VWA3B: variants seen among roughly 807,000 people sequenced by gnomAD.
The protein encoded by VWA3B is von Willebrand factor A domain-containing protein 3B.
VWA3B carries 138 observed loss-of-function variants against 158.3 expected under a neutral mutation model. That is an observed-to-expected ratio of 0.87 (90% CI 0.76 to 1.00). The LOEUF (loss-of-function observed/expected upper bound fraction) is 1.00. VWA3B is among the 50% of genes least tolerant of loss of function. VWA3B has a pLI of 0.00. For missense variants in VWA3B, 1,555 were observed against 1,565.1 expected (o/e 0.99, Z 0.11); for synonymous variants, 596 against 587.3 (o/e 1.01, Z -0.21).
intron 12 of VWA3B, among the ~76,000 whole-genome samples, chr2:98,198,980 G>A (rs761363435): frequency 2.0e-5 from 3 of 151,980 alleles, no homozygotes; most frequent in Non-Finnish European, 4.4e-5. Flanking sequence ...CCAGCTACTC[G>A]GGAGGCTGAG....
rs569513817 is a variant in VWA3B at position 98,247,052 on chromosome 2, T to C, written c.2674-3266T>C. Among the ~76,000 whole-genome samples the C allele has an allele frequency of 2.6e-5, 4 of 151,916 alleles. No individual in the cohort carries two copies. The East Asian group carries it at 7.8e-4, about 30-fold the overall frequency. On this transcript the variant is annotated intron_variant, in intron 19 of 27. Transcript: ENST00000477737. ...TCGCACTGTCGCCCAGGCTGCAGTG[T>C]AGTGGTGTGATCTCGGCTCACTGAA...
At chr2:98,126,587 C>A (rs960291153) in intron 5 of VWA3B, among the ~76,000 whole-genome samples, 2 of 152,244 alleles carry the variant, frequency 1.3e-5, no homozygotes, top group African/African-American at 4.8e-5. Flanking sequence ...AAACAGAACG[C>A]ATCTGCTGGA....
At chr2:98,167,625 CAG>C (rs1323455986) in intron 8 of VWA3B, among the ~76,000 whole-genome samples, 3 of 152,112 alleles carry the variant, frequency 2.0e-5, no homozygotes, top group Non-Finnish European at 2.9e-5. Flanking sequence ...GACAAAGTAC[CAG>C]AGAGGAGACA....
intron 13 of VWA3B, among the ~76,000 whole-genome samples, chr2:98,213,359 G>A (rs2105562590): frequency 6.6e-6 from 1 of 152,312 alleles, no homozygotes; most frequent in Non-Finnish European, 1.5e-5. Flanking sequence ...CTGCATCTCA[G>A]AAACATGCCT....
At chr2:98,132,429 G>A (rs767840052) in intron 6 of VWA3B, among the ~76,000 whole-genome samples, 1 of 152,204 alleles carries the variant, frequency 6.6e-6, no homozygotes, top group Non-Finnish European at 1.5e-5. Context: ...CTGGTCTGGT[G>A]ACCCTCCAAC....
intron 22 of VWA3B, among the ~76,000 whole-genome samples, chr2:98,273,749 A>T (rs1019874773): frequency 6.6e-6 from 1 of 152,206 alleles, no homozygotes; most frequent in Admixed American, 6.5e-5. Context: ...AGGATGACAG[A>T]CCATGGCCAG....
At chr2:98,179,583 C>T (rs1321817196) in intron 8 of VWA3B, among the ~76,000 whole-genome samples, 1 of 152,194 alleles carries the variant, frequency 6.6e-6, no homozygotes, top group African/African-American at 2.4e-5. Context: ...GCCTCCACCT[C>T]ATCACTTCTC....
chr2:98,180,067 T>C (rs1194641025), intron 8 of VWA3B, among the ~76,000 whole-genome samples: 3 of 149,976 alleles, frequency 2.0e-5, no homozygotes, highest in Non-Finnish European at 4.4e-5. Flanking sequence ...TTTCTCTCTT[T>C]CTCTCTTTCT....
At chr2:98,207,289 G>A (rs574098159) in intron 12 of VWA3B, 3 of 495,364 alleles carry the variant, frequency 6.1e-6, no homozygotes, top group Admixed American at 4.2e-5. Context: ...TGCCACCACT[G>A]TGCTGCCCCA....
intron 15 of VWA3B, 149 bp from the exon 16 acceptor site, chr2:98,229,901 C>A: frequency 1.2e-6 from 1 of 862,840 alleles, no homozygotes; most frequent in Non-Finnish European, 1.7e-6. Context: ...GGATAAATGA[C>A]TATTTTTATA....
chr2:98,187,920 G>C (rs903953613), intron 9 of VWA3B, 55 bp from the exon 10 acceptor site: 27 of 1,506,734 alleles, frequency 1.8e-5, no homozygotes, highest in Non-Finnish European at 2.1e-5. Flanking sequence ...GCCATCTGGA[G>C]GCTCTTCTCT....
chr2:98,102,065 G>A (rs913988215), intron 2 of VWA3B, among the ~76,000 whole-genome samples: 2 of 151,966 alleles, frequency 1.3e-5, no homozygotes, highest in African/African-American at 4.8e-5. Flanking sequence ...ATTATGGAGT[G>A]GTGATCACTC....
chr2:98,310,118 G>A (rs1690796948), intron 26 of VWA3B, among the ~76,000 whole-genome samples: 1 of 152,194 alleles, frequency 6.6e-6, no homozygotes, highest in African/African-American at 2.4e-5. Context: ...GTTGCTGAAA[G>A]TCTAAGACCC....
chr2:98,237,491 C>T (rs943131545), intron 19 of VWA3B, among the ~76,000 whole-genome samples: 1 of 152,146 alleles, frequency 6.6e-6, no homozygotes, highest in Non-Finnish European at 1.5e-5. Context: ...TGTCCTAGGC[C>T]GGTCCCGAGA....
At chr2:98,199,507 C>A (rs1682347592) in intron 12 of VWA3B, among the ~76,000 whole-genome samples, 1 of 152,152 alleles carries the variant, frequency 6.6e-6, no homozygotes, top group Non-Finnish European at 1.5e-5. Context: ...GCTCCCTGAG[C>A]CCCAATTTCC....
chr2:98,090,534 A>G (rs1682205138), intron 1 of VWA3B, among the ~76,000 whole-genome samples: 1 of 152,184 alleles, frequency 6.6e-6, no homozygotes, highest in South Asian at 2.1e-4. Context: ...GAATCACCTT[A>G]AAGTGGCAGA....
intron 12 of VWA3B, among the ~76,000 whole-genome samples, chr2:98,201,782 T>C (rs1470139894): frequency 1.3e-5 from 2 of 152,232 alleles, no homozygotes; most frequent in African/African-American, 4.8e-5. Context: ...CAAGTTGTAC[T>C]TGGCAGATCT....
chr2:98,269,136 C>T (rs1027283356), intron 21 of VWA3B, among the ~76,000 whole-genome samples: 6 of 152,058 alleles, frequency 3.9e-5, no homozygotes, highest in African/African-American at 1.5e-4. Flanking sequence ...TTTTTTATGC[C>T]TTATGATATT....
intron 6 of VWA3B, among the ~76,000 whole-genome samples, chr2:98,131,382 G>A (rs1375525864): frequency 6.6e-6 from 1 of 152,162 alleles, no homozygotes; most frequent in Non-Finnish European, 1.5e-5. Context: ...CCGTATCTTG[G>A]CTATTGTGAA....
Sources: gnomAD v4.1 joint callset for allele counts (sites outside exome capture counted in the v4.1 genomes callset) on GRCh38, gnomAD v4.1.1 for gene constraint, MANE v1.5 for transcripts, NCBI Gene and HGNC (gene_info 2026-07-23, HGNC 2026-07-21) for gene names.